Variants in NAALADL2 observed in about 807,000 individuals in gnomAD.
NAALADL2 encodes the protein N-acetylated alpha-linked acidic dipeptidase like 2.
A neutral mutation model predicts 87.2 loss-of-function variants in NAALADL2; 76 were observed. The ratio of observed to expected loss-of-function variants is 0.87; its 90% CI spans 0.72 to 1.05. The LOEUF is 1.05. NAALADL2 is among the 50% of genes least tolerant of loss of function. NAALADL2 has a pLI of 0.00. For missense variants in NAALADL2, 1,089 were observed against 945.8 expected (o/e 1.15, Z -1.99); for synonymous variants, 354 against 331.0 (o/e 1.07, Z -0.75).
At chr3:175,793,532 G>A (rs368850199) in intron 13 of NAALADL2, among the ~76,000 whole-genome samples, 6 of 151,834 alleles carry the variant, frequency 4.0e-5, no homozygotes, top group Admixed American at 6.6e-5. Context: ...AGCCAGAATG[G>A]CCTCAATCTC....
chr3:174,572,790 T>C (rs554384570), intron 2 of NAALADL2, among the ~76,000 whole-genome samples: 53 of 152,324 alleles, frequency 3.5e-4, no homozygotes, highest in African/African-American at 1.3e-3. Context: ...AAATCTTTAA[T>C]AGTGCAAGTC....
intron 13 of NAALADL2, among the ~76,000 whole-genome samples, chr3:175,763,510 T>C (rs1748307670): frequency 6.6e-6 from 1 of 152,176 alleles, no homozygotes; most frequent in Admixed American, 6.5e-5. Flanking sequence ...AGTCTTAAAA[T>C]GAGAGAGCAA....
At chr3:175,236,317 G>T (rs1396502693) in intron 3 of NAALADL2, among the ~76,000 whole-genome samples, 8 of 151,960 alleles carry the variant, frequency 5.3e-5, no homozygotes, top group Non-Finnish European at 1.0e-4. Flanking sequence ...AGGCCGAGGC[G>T]GGTGGATCAC....
intron 2 of NAALADL2, among the ~76,000 whole-genome samples, chr3:175,192,254 A>G (rs1318764994): frequency 6.6e-6 from 1 of 152,086 alleles, no homozygotes; most frequent in African/African-American, 2.4e-5. Flanking sequence ...AAGTAAAGCT[A>G]GTTTTCAAAG....
chr3:175,449,759 T>A (rs1721271893), intron 6 of NAALADL2, among the ~76,000 whole-genome samples: 2 of 152,174 alleles, frequency 1.3e-5, no homozygotes, highest in African/African-American at 2.4e-5. Context: ...CAGCTGCATT[T>A]CCATAATAAA....
rs76111523 is a variant in NAALADL2, at chr3:174,962,552, A to G, written c.43+103102A>G. 2.0e-5 allele frequency among the ~76,000 whole-genome samples: 3 copies of G among 151,720 alleles called. No individual in the cohort carries two copies. In the East Asian group the frequency reaches 5.8e-4, roughly 30 times the overall value. The stretch of plus-strand genomic sequence containing the variant: ...TAATAAAAGGCAGAAGAGAGTTGTG[A>G]TATAAGTCACTGGTGCACAAAAGTT... On this transcript the variant is annotated intron_variant, in intron 1 of 13. Transcript: ENST00000454872.
At chr3:175,547,380 T>C (rs1276790398) in intron 9 of NAALADL2, among the ~76,000 whole-genome samples, 1 of 151,946 alleles carries the variant, frequency 6.6e-6, no homozygotes, top group Non-Finnish European at 1.5e-5. Flanking sequence ...AGATTAAAAC[T>C]GGGCCATTAC....
At chr3:174,581,111 A>G (rs924743450) in intron 2 of NAALADL2, among the ~76,000 whole-genome samples, 2 of 152,218 alleles carry the variant, frequency 1.3e-5, no homozygotes, top group African/African-American at 4.8e-5. Flanking sequence ...GTTTCAAAAA[A>G]TAAGTTATCT....
chr3:175,261,865 G>C (rs928310581), intron 4 of NAALADL2, among the ~76,000 whole-genome samples: 2 of 152,068 alleles, frequency 1.3e-5, no homozygotes, highest in African/African-American at 4.8e-5. Context: ...TATTGGGCCA[G>C]TGTATAACTT....
chr3:175,323,660 GA>G (rs61581126), intron 4 of NAALADL2, among the ~76,000 whole-genome samples: 2,276 of 141,958 alleles, frequency 0.016, 57 homozygotes, highest in African/African-American at 0.053. Context: ...AAAACCGGAG[GA>G]AAAAAAAAAA....
chr3:175,290,638 A>G (rs1755535542), intron 4 of NAALADL2, among the ~76,000 whole-genome samples: 1 of 152,282 alleles, frequency 6.6e-6, no homozygotes, highest in South Asian at 2.1e-4. Context: ...CTGAGGTTGC[A>G]ATTTTTTGAA....
chr3:174,997,619 G>A (rs1357938452), intron 1 of NAALADL2, among the ~76,000 whole-genome samples: 4 of 152,084 alleles, frequency 2.6e-5, no homozygotes, highest in Non-Finnish European at 4.4e-5. Context: ...GAGATCAGGG[G>A]TTCAAGACCA....
At chr3:175,223,257 A>C (rs1156455656) in intron 2 of NAALADL2, among the ~76,000 whole-genome samples, 1 of 151,822 alleles carries the variant, frequency 6.6e-6, no homozygotes, top group Non-Finnish European at 1.5e-5. Context: ...GTACCTTTTC[A>C]TCAATACCTC....
chr3:175,272,805 A>C (rs1173182030), intron 4 of NAALADL2, among the ~76,000 whole-genome samples: 1 of 152,118 alleles, frequency 6.6e-6, no homozygotes, highest in Admixed American at 6.6e-5. Flanking sequence ...TTAATCTGTT[A>C]TCTTGGGTTA....
intron 13 of NAALADL2, among the ~76,000 whole-genome samples, chr3:175,781,154 T>G (rs910175182): frequency 6.6e-6 from 1 of 152,196 alleles, no homozygotes; most frequent in Non-Finnish European, 1.5e-5. Context: ...TGTTTGAAAT[T>G]TATATCCTCC....
intron 2 of NAALADL2, among the ~76,000 whole-genome samples, chr3:174,582,756 A>AT (rs1222996441): frequency 6.6e-6 from 1 of 151,652 alleles, no homozygotes; most frequent in Non-Finnish European, 1.5e-5. Flanking sequence ...TAATTTTTAT[A>AT]TTTTTTTAGT....
intron 10 of NAALADL2, among the ~76,000 whole-genome samples, chr3:175,617,136 T>C (rs767893496): frequency 1.3e-5 from 2 of 152,016 alleles, no homozygotes; most frequent in African/African-American, 4.8e-5. Context: ...AACTAAGGCA[T>C]TGGGAAAAAT....
At chr3:175,505,353 A>G (rs1271981627) in intron 9 of NAALADL2, among the ~76,000 whole-genome samples, 3 of 152,090 alleles carry the variant, frequency 2.0e-5, no homozygotes, top group Non-Finnish European at 2.9e-5. Context: ...AGCCCCAACT[A>G]CCATCTAACA....
chr3:175,573,636 G>T (rs1356158854), intron 9 of NAALADL2, among the ~76,000 whole-genome samples: 1 of 152,184 alleles, frequency 6.6e-6, no homozygotes, highest in Non-Finnish European at 1.5e-5. Context: ...ATATAAAATA[G>T]TTTGTTTTTC....
Sources: gnomAD v4.1 joint callset for allele counts (sites outside exome capture counted in the v4.1 genomes callset) on GRCh38, gnomAD v4.1.1 for gene constraint, MANE v1.5 for transcripts, NCBI Gene and HGNC (gene_info 2026-07-23, HGNC 2026-07-21) for gene names.